POLK: variants seen among roughly 807,000 people sequenced by gnomAD.
The protein encoded by POLK is DNA polymerase kappa.
POLK carries 76 observed loss-of-function variants against 94.0 expected under a neutral mutation model. The ratio of observed to expected loss-of-function variants is 0.81; its 90% CI spans 0.67 to 0.98. POLK has a LOEUF of 0.98. Ranked by LOEUF, POLK falls within the 50% of genes least tolerant of loss-of-function variation. The pLI, the probability that POLK is intolerant of heterozygous loss-of-function variation, is 0.00. For missense variants in POLK, 954 were observed against 1,010.1 expected (o/e 0.94, Z 0.75); for synonymous variants, 349 against 325.4 (o/e 1.07, Z -0.78).
intron 5 of POLK, among the ~76,000 whole-genome samples, chr5:75,575,507 T>G (rs903073337): frequency 3.9e-5 from 6 of 152,208 alleles, no homozygotes; most frequent in Non-Finnish European, 7.3e-5. Flanking sequence ...TCCAAAATAT[T>G]GGAGCTTTAA....
At chr5:75,565,504 C>G (rs1261063095) in intron 3 of POLK, among the ~76,000 whole-genome samples, 2 of 152,076 alleles carry the variant, frequency 1.3e-5, no homozygotes, top group East Asian at 3.9e-4. Context: ...CTGTTTTTTC[C>G]TCATCTTTGT....
intron 3 of POLK, among the ~76,000 whole-genome samples, chr5:75,568,475 G>A (rs1771404005): frequency 6.6e-6 from 1 of 152,120 alleles, no homozygotes; most frequent in South Asian, 2.1e-4. Context: ...TATGTCTGCT[G>A]CAAAATCACT....
intron 1 of POLK, among the ~76,000 whole-genome samples, chr5:75,515,244 T>A (rs531037169): frequency 2.6e-5 from 4 of 152,366 alleles, no homozygotes; most frequent in Non-Finnish European, 5.9e-5. Context: ...TTATTTTTTG[T>A]ATTTTTGGTC....
At chr5:75,542,795 C>T (rs944116018) in intron 1 of POLK, among the ~76,000 whole-genome samples, 4 of 149,738 alleles carry the variant, frequency 2.7e-5, no homozygotes, top group African/African-American at 4.9e-5. Context: ...TCACTGCAAC[C>T]GCCACCTCCC....
intron 1 of POLK, among the ~76,000 whole-genome samples, chr5:75,523,917 G>A (rs1768705650): frequency 2.0e-5 from 3 of 152,008 alleles, no homozygotes; most frequent in African/African-American, 7.3e-5. Context: ...ATCACCTGAG[G>A]TCAGGAGTTC....
exon 15 of POLK, chr5:75,599,086 T>TAAA: frequency 1.6e-5 from 2 of 124,794 alleles, no homozygotes; most frequent in Non-Finnish European, 3.5e-5. Flanking sequence ...ACTAAAACGA[T>TAAA]AAAAAAAAAA....
At chr5:75,517,620 G>C (rs922787466) in intron 1 of POLK, among the ~76,000 whole-genome samples, 8 of 152,104 alleles carry the variant, frequency 5.3e-5, no homozygotes, top group African/African-American at 1.7e-4. Flanking sequence ...CAATTTAGAT[G>C]CCCTTTATTT....
upstream of POLK, chr5:75,511,311 A>AG: frequency 6.4e-7 from 1 of 1,551,914 alleles, no homozygotes; most frequent in Non-Finnish European, 8.7e-7. Context: ...CGAAGCGAAG[A>AG]GTGCCCGCTC....
intron 6 of POLK, among the ~76,000 whole-genome samples, chr5:75,577,580 C>T (rs1771961343): frequency 6.6e-6 from 1 of 152,116 alleles, no homozygotes; most frequent in South Asian, 2.1e-4. Flanking sequence ...TCTGAGATGT[C>T]CTGGACCCCT....
At chr5:75,533,953 G>T (rs905952815) in intron 1 of POLK, among the ~76,000 whole-genome samples, 3 of 152,088 alleles carry the variant, frequency 2.0e-5, no homozygotes, top group Admixed American at 1.3e-4. Flanking sequence ...CTGAAGCTTT[G>T]CTGAGGTTTA....
At chr5:75,573,998 T>G in intron 5 of POLK, 129 bp downstream of exon 5, 1 of 754,598 alleles carries the variant, frequency 1.3e-6, no homozygotes, top group South Asian at 1.7e-5. Flanking sequence ...CTCCTATCAC[T>G]TCTTCAGCTT....
chr5:75,584,949 T>C, intron 9 of POLK, 23 bp downstream of exon 9: 3 of 1,495,062 alleles, frequency 2.0e-6, no homozygotes, highest in East Asian at 4.6e-5. Context: ...ATTGTCATTC[T>C]GCTTTTTCTT....
intron 7 of POLK, chr5:75,581,901 C>G: frequency 4.7e-6 from 1 of 212,854 alleles, no homozygotes; most frequent in Non-Finnish European, 8.2e-6. Context: ...GGATGGTCTC[C>G]ATATCCTGAC....
At chr5:75,597,085 G>A (rs1490976070) in exon 13 of POLK, 3 of 1,613,044 alleles carry the variant, frequency 1.9e-6, no homozygotes, top group Non-Finnish European at 2.5e-6. Flanking sequence ...CAATGTGCAT[G>A]TGGATGTTTG....
chr5:75,603,804 A>G (rs1289376770), downstream of POLK, among the ~76,000 whole-genome samples: 1 of 152,040 alleles, frequency 6.6e-6, no homozygotes, highest in African/African-American at 2.4e-5. Flanking sequence ...ATAATTACTC[A>G]TCTTTCAACT....
chr5:75,556,624 T>C (rs1276939555), intron 3 of POLK, among the ~76,000 whole-genome samples: 6 of 152,186 alleles, frequency 3.9e-5, no homozygotes, highest in Non-Finnish European at 7.4e-5. Flanking sequence ...TATGTTATCT[T>C]CTAGGAATTT....
chr5:75,587,382 A>G (rs1772528409), intron 10 of POLK, among the ~76,000 whole-genome samples: 1 of 152,222 alleles, frequency 6.6e-6, no homozygotes, highest in African/African-American at 2.4e-5. Flanking sequence ...AAATTTAAGA[A>G]GTAACAATGG....
intron 3 of POLK, among the ~76,000 whole-genome samples, chr5:75,554,296 G>A (rs2112671115): frequency 6.6e-6 from 1 of 152,020 alleles, no homozygotes; most frequent in African/African-American, 2.4e-5. Context: ...ACATGTCTGG[G>A]GGAGTTTATA....
At chr5:75,537,294 G>A (rs947884943) in intron 1 of POLK, among the ~76,000 whole-genome samples, 1 of 152,182 alleles carries the variant, frequency 6.6e-6, no homozygotes, top group Non-Finnish European at 1.5e-5. Context: ...GGCACAGGGT[G>A]GTCAGGGGGA....
Sources: gnomAD v4.1 joint callset for allele counts (sites outside exome capture counted in the v4.1 genomes callset) on GRCh38, gnomAD v4.1.1 for gene constraint, MANE v1.5 for transcripts, NCBI Gene and HGNC (gene_info 2026-07-23, HGNC 2026-07-21) for gene names.